MSH4: variants seen among roughly 807,000 people sequenced by gnomAD.
MSH4 encodes the protein mutS protein homolog 4.
Under a neutral mutation model 113.7 loss-of-function variants are expected in MSH4, and 106 were observed. That is an observed-to-expected ratio of 0.93 (90% confidence interval 0.80 to 1.10). The LOEUF (loss-of-function observed/expected upper bound fraction) is 1.10, where lower values mean the gene tolerates loss of function less well. MSH4 is among the 50% of genes least tolerant of loss of function. MSH4 has a pLI of 0.00. For synonymous variants in MSH4, 368 were observed against 380.2 expected, an observed-to-expected ratio of 0.97 and a Z score of 0.37; for missense variants, 1,061 against 1,093.7, an observed-to-expected ratio of 0.97 and a Z score of 0.42.
Position 75,860,903 on chromosome 1 carries a change from C to T in MSH4, c.1231-6611C>T, listed in dbSNP as rs1304720160. 2.0e-5 allele frequency among the ~76,000 whole-genome samples: 3 copies of T among 152,260 alleles called. No individual in the cohort carries two copies. In the East Asian group the frequency reaches 5.8e-4, roughly 29 times the overall value. ...CCCAGTCACTTTCAGGTACACCAAT[C>T]AAATGTAGATTTGGTCTTTTCACCT... On this transcript the variant is annotated intron_variant, in intron 8 of 19. Coordinates refer to ENST00000263187, the MANE Select transcript of MSH4 (RefSeq NM_002440.4).
At chr1:75,897,328 T>C (rs908538772) in intron 17 of MSH4, among the ~76,000 whole-genome samples, 9 of 152,174 alleles carry the variant, frequency 5.9e-5, no homozygotes, top group African/African-American at 2.2e-4. Flanking sequence ...ATTACTAATG[T>C]TTGAGAGCCA....
At chr1:75,857,874 G>C (rs757449548) in intron 8 of MSH4, among the ~76,000 whole-genome samples, 10 of 152,080 alleles carry the variant, frequency 6.6e-5, no homozygotes, top group Non-Finnish European at 1.0e-4. Context: ...CTTTTTTCAC[G>C]ATATTGATTC....
At chr1:75,805,418 T>C (rs2100504342) in intron 2 of MSH4, among the ~76,000 whole-genome samples, 1 of 151,536 alleles carries the variant, frequency 6.6e-6, no homozygotes. Flanking sequence ...GACGAAGCCT[T>C]GTTCTATTGC....
Position 75,879,000 on chromosome 1 carries a change from T to C in MSH4, c.1549T>C (p.Ser517Pro), listed in dbSNP as rs1386057276. ...TTGTTTCTGGTCACCAGGAATGATA[T>C]CACAACTTGGAGAAAAATATAGTCT... ...EIVDDIAGMI[S>P]QLGEKYSLPL... The change falls in exon 12 of 20, where the codon TCA becomes CCA. Residue 517 changes from serine (S) to proline (P), a missense_variant. Physicochemically the swap from Ser to Pro is moderately conservative, Grantham distance 74. Coordinates refer to ENST00000263187, the MANE Select transcript of MSH4 (RefSeq NM_002440.4). 6.8e-6 allele frequency: 11 copies of C among 1,607,230 alleles called. No individual in the cohort carries two copies. Among genetic ancestry groups the C allele is most frequent in the Non-Finnish European group, 9.4e-6 (11 of 1,175,976 alleles).
chr1:75,911,021 C>G (rs1426714521), intron 19 of MSH4, among the ~76,000 whole-genome samples: 2 of 151,736 alleles, frequency 1.3e-5, no homozygotes, highest in East Asian at 3.9e-4. Context: ...AGTTGAACTC[C>G]TTTGTCTAGT....
chr1:75,832,352 A>T (rs1233144717), intron 7 of MSH4, among the ~76,000 whole-genome samples: 1 of 152,196 alleles, frequency 6.6e-6, no homozygotes, highest in East Asian at 1.9e-4. Flanking sequence ...ATTCTACCAG[A>T]GTTACAAGGA....
At chr1:75,847,764 TC>T (rs1208242416) in intron 7 of MSH4, among the ~76,000 whole-genome samples, 1 of 152,204 alleles carries the variant, frequency 6.6e-6, no homozygotes, top group Admixed American at 6.5e-5. Flanking sequence ...TGGGAACTAG[TC>T]CCTTTCTGTG....
chr1:75,828,046 A>C (rs774245048), intron 7 of MSH4, among the ~76,000 whole-genome samples: 1 of 152,352 alleles, frequency 6.6e-6, no homozygotes, highest in Middle Eastern at 3.4e-3. Flanking sequence ...ACCAATAAAC[A>C]TATGAAAAAA....
intron 19 of MSH4, among the ~76,000 whole-genome samples, chr1:75,909,830 T>C (rs1010395498): frequency 2.6e-5 from 4 of 152,272 alleles, no homozygotes; most frequent in African/African-American, 7.2e-5. Context: ...GAGGTCATCT[T>C]GATGAGTTCT....
At chr1:75,887,192 G>T (rs1290633883) in intron 15 of MSH4, among the ~76,000 whole-genome samples, 2 of 151,974 alleles carry the variant, frequency 1.3e-5, no homozygotes, top group Non-Finnish European at 2.9e-5. Context: ...ATCATGGGGG[G>T]CGGTTTCCCC....
In MSH4 at chr1:75,898,088, C is replaced by T. The variant is rs1652423465; in HGVS notation, c.2530+7C>T. The stretch of plus-strand genomic sequence containing the variant: ...ACAGAAGAGAAAAATTATGGTACTG[C>T]ATATAGAAATTATACCTATACATTC... On this transcript the variant is annotated splice_region_variant and intron_variant, in intron 18 of 19. Coordinates refer to ENST00000263187, the MANE Select transcript of MSH4 (RefSeq NM_002440.4). 1.3e-6 allele frequency: 2 copies of T among 1,538,284 alleles called. No homozygotes were observed. Among genetic ancestry groups the T allele is most frequent in the Non-Finnish European group, 1.8e-6 (2 of 1,138,336 alleles).
intron 6 of MSH4, among the ~76,000 whole-genome samples, chr1:75,821,128 A>G (rs1650398847): frequency 6.7e-6 from 1 of 150,044 alleles, no homozygotes; most frequent in South Asian, 2.1e-4. Flanking sequence ...CACCACACCT[A>G]TTCCAAAATT....
chr1:75,856,871 C>T (rs993365946), intron 8 of MSH4, among the ~76,000 whole-genome samples: 1 of 152,182 alleles, frequency 6.6e-6, no homozygotes, highest in Non-Finnish European at 1.5e-5. Context: ...ACACTGTCTT[C>T]CACAATGGTT....
chr1:75,894,014 A>C (rs60144605), intron 17 of MSH4, among the ~76,000 whole-genome samples: 19,966 of 152,094 alleles, frequency 0.13, 1,527 homozygotes, highest in East Asian at 0.26. Context: ...AAGATCACTT[A>C]CCCATCCTGG....
At chr1:75,833,301 G>A (rs972904021) in intron 7 of MSH4, among the ~76,000 whole-genome samples, 1 of 152,112 alleles carries the variant, frequency 6.6e-6, no homozygotes, top group African/African-American at 2.4e-5. Context: ...CAAACAAATG[G>A]AAGCACATTC....
intron 6 of MSH4, among the ~76,000 whole-genome samples, chr1:75,817,737 T>G (rs71656853): frequency 0.022 from 3,390 of 152,174 alleles, 50 homozygotes; most frequent in Non-Finnish European, 0.032. Flanking sequence ...TCCATTGATT[T>G]CTATAACAAA....
At chr1:75,859,434 T>G (rs993866275) in intron 8 of MSH4, among the ~76,000 whole-genome samples, 1 of 152,242 alleles carries the variant, frequency 6.6e-6, no homozygotes, top group Non-Finnish European at 1.5e-5. Flanking sequence ...CTGCTTTAAA[T>G]GTGTCCCAGA....
rs1003847936 is a variant in MSH4, at chr1:75,896,392, C to A, written c.2356-1515C>A. On this transcript the variant is annotated intron_variant, in intron 17 of 19. Transcript: ENST00000263187. ...ACACACACACACACACACACACACACACCCTATTGGTCTCTTTCTCTGGAG... is the reference window on the plus strand; with the variant it reads ...ACACACACACACACACACACACACAAACCCTATTGGTCTCTTTCTCTGGAG... 3.6e-4 allele frequency among the ~76,000 whole-genome samples: 48 copies of A among 134,058 alleles called. No individual in the cohort carries two copies. The South Asian group carries it at 0.012, about 35-fold the overall frequency. 87.9% of individuals were successfully genotyped at this position (134,058 alleles called of 152,430 possible).
In MSH4 at chr1:75,816,256, A is replaced by T. The variant is rs1275226503; in HGVS notation, c.816-117A>T. The T allele has an allele frequency of 5.3e-6, 3 of 560,898 alleles. No homozygotes were observed. The East Asian group carries it at 1.0e-4, about 19-fold the overall frequency. The allele number at this position is 560,898 out of a possible 1,614,324, so 34.7% of individuals were successfully genotyped here. A position where few individuals can be genotyped will look rare whatever the true frequency, so the allele number is the denominator to read the frequency against. On this transcript the variant is annotated intron_variant, in intron 5 of 19. Transcript: ENST00000263187. ...TTCAAAAATATGAAATACCTGGTGT[A>T]CCTTTTCCTTTTGAGTTTAAGCAAT...
Sources: gnomAD v4.1 joint callset for allele counts (sites outside exome capture counted in the v4.1 genomes callset) on GRCh38, gnomAD v4.1.1 for gene constraint, MANE v1.5 for transcripts, NCBI Gene and HGNC (gene_info 2026-07-23, HGNC 2026-07-21) for gene names.